Variants in CHD5 observed in about 807,000 individuals in gnomAD.
The protein encoded by CHD5 is ATP-dependent chromatin remodeler CHD5.
Under a neutral mutation model 230.3 loss-of-function variants are expected in CHD5, and 69 were observed. The observed-to-expected ratio is 0.30, with a 90% CI of 0.25 to 0.37. The LOEUF (loss-of-function observed/expected upper bound fraction) is 0.37. CHD5 is among the 10% of genes least tolerant of loss of function. CHD5 has a pLI of 1.00. For missense variants in CHD5, 1,827 were observed against 2,622.8 expected, an observed-to-expected ratio of 0.70 and a Z score of 6.63; for synonymous variants, 1,064 against 1,065.9, an observed-to-expected ratio of 1.00 and a Z score of 0.03.
chr1:6,128,014 G>A lies in CHD5; in HGVS notation c.3903+32C>T, dbSNP rs1252513948. 2 of 1,543,920 alleles carry A rather than the reference G, an allele frequency of 1.3e-6. No homozygotes were observed. On this transcript the variant is annotated intron_variant, in intron 25 of 41. Transcript: ENST00000262450. This position sits in a 1 kb window ranked among gnomAD's most constrained non-coding sequence, Gnocchi z 7.8. ...GGCGGGGCTGCGGATGGAGGGCGGGGCTGCGGATGGAGGGCGGGCCGGGGA... is the reference window on the plus strand; with the variant it reads ...GGCGGGGCTGCGGATGGAGGGCGGGACTGCGGATGGAGGGCGGGCCGGGGA...
In CHD5 at chr1:6,174,164, G is replaced by A. The variant is rs1340420166; in HGVS notation, c.79+5781C>T. Among the ~76,000 whole-genome samples the A allele has an allele frequency of 2.6e-5, 4 of 152,036 alleles. No individual in the cohort carries two copies. In the East Asian group the frequency reaches 7.8e-4, roughly 29 times the overall value. On this transcript the variant is annotated intron_variant, in intron 1 of 41. Transcript: ENST00000262450. ...AGGGAGGGACAAAAGAGAGAAAAACGGCCAGACAGAAAGGGAGAGGCAGGG... is the reference window on the plus strand; with the variant it reads ...AGGGAGGGACAAAAGAGAGAAAAACAGCCAGACAGAAAGGGAGAGGCAGGG...
intron 37 of CHD5, 64 bp from the exon 38 acceptor site, chr1:6,110,054 C>T: frequency 1.5e-6 from 2 of 1,370,552 alleles, no homozygotes; most frequent in Non-Finnish European, 1.9e-6. Context: ...CGTGCTCCAC[C>T]AGCGCCCACC....
chr1:6,139,283 T>C (rs911007771), intron 15 of CHD5, among the ~76,000 whole-genome samples: 2 of 152,188 alleles, frequency 1.3e-5, no homozygotes, highest in Admixed American at 6.5e-5. Context: ...TTAGCTCTTG[T>C]TGCCCAGGCT....
Position 6,146,298 on chromosome 1 carries a change from G to T in CHD5, c.1716C>A (p.Asp572Glu). ...GCTCCTCCATCTTGGCATAGAGGGG[G>T]TCCTTGTTCTTCCTCTTCTCGCTCT... ...DGKSEKRKNK[D>E]PLYAKMEERF... The change falls in exon 11 of 42, where the codon GAC (aspartate) becomes GAA (glutamate). Residue 572 changes from aspartate (D) to glutamate (E), a missense_variant. Asp to Glu is a conservative substitution (Grantham distance 45, BLOSUM62 2). Transcript: ENST00000262450. This position sits in a 1 kb window ranked among gnomAD's most constrained non-coding sequence, Gnocchi z 5.1. 1 of 1,614,188 alleles carries T rather than the reference G, an allele frequency of 6.2e-7. No homozygotes were observed. The highest frequency in any genetic ancestry group is 1.1e-5 in the South Asian group (1 of 91,084).
At position 6,129,060 on chromosome 1, in the gene CHD5, G is replaced by A; in HGVS notation, c.3397C>T (p.Arg1133Cys). 6.2e-7 allele frequency: 1 copy of A among 1,601,474 alleles called. No homozygotes were observed. The highest frequency in any genetic ancestry group is 8.5e-7 in the Non-Finnish European group (1 of 1,174,340). ...NPHNDIQAFS[R>C]AHRIGQNKKV... Reference sequence around the variant, plus strand: ...TTGTTCTGGCCGATGCGGTGGGCGCGGCTGAAGGCCTGGGGAGACCTGCAC... The same window carrying A: ...TTGTTCTGGCCGATGCGGTGGGCGCAGCTGAAGGCCTGGGGAGACCTGCAC... The change falls in exon 23 of 42, where the codon CGC becomes TGC. Residue 1133 changes from arginine to cysteine, a missense_variant. Around this residue, in one of 14 missense-constraint regions of CHD5, gnomAD observed 81 missense variants for 245.4 expected, o/e 0.33. Coordinates refer to ENST00000262450, the MANE Select transcript of CHD5 (RefSeq NM_015557.3). This position sits in a 1 kb window ranked among gnomAD's most constrained non-coding sequence, Gnocchi z 6.8.
At position 6,142,212 on chromosome 1, in the gene CHD5, C is replaced by T. The variant is rs768854486; in HGVS notation, c.2352G>A (p.Lys784=). 6.2e-7 allele frequency: 1 copy of T among 1,614,238 alleles called. No homozygotes were observed. Among genetic ancestry groups the T allele is most frequent in the Non-Finnish European group, 8.5e-7 (1 of 1,180,046 alleles). The change falls in exon 15 of 42, where the codon AAG becomes AAA. Residue 784 remains lysine (K), a synonymous_variant. Coordinates refer to ENST00000262450, the MANE Select transcript of CHD5 (RefSeq NM_015557.3). This position sits in a 1 kb window ranked among gnomAD's most constrained non-coding sequence, Gnocchi z 5.2. ...DFYVVTYTGD[K]ESRSVIRENE... is the part of the protein sequence containing the mutation. ...TCTCCCGAATCACCGAGCGGCTCTC[C>T]TTGTCCCCCGTGTAGGTGACCACGT...
Position 6,175,138 on chromosome 1 carries a change from G to C in CHD5, c.79+4807C>G, listed in dbSNP as rs1293696386. Among the ~76,000 whole-genome samples, 3 of 151,286 alleles carry C rather than the reference G, an allele frequency of 2.0e-5. No homozygotes were observed. The East Asian group carries it at 5.9e-4, about 30-fold the overall frequency. On this transcript the variant is annotated intron_variant, in intron 1 of 41. Coordinates refer to ENST00000262450, the MANE Select transcript of CHD5 (RefSeq NM_015557.3). ...TGAATAGATGGACAATAGGTGGATG[G>C]ATGGATGGCAGATGGATGGATGGTG...
At chr1:6,145,691 C>T (rs374860123) in intron 11 of CHD5, among the ~76,000 whole-genome samples, 772 of 152,344 alleles carry the variant, frequency 5.1e-3, no homozygotes, top group Non-Finnish European at 8.8e-3. Flanking sequence ...GAAAGCAGGT[C>T]CTGCAGTCAG....
At position 6,154,769 on chromosome 1, in the gene CHD5, C is replaced by T. The variant is rs1166438969; in HGVS notation, c.636G>A (p.Ala212=). The change falls in exon 5 of 42, where the codon GCG becomes GCA. Residue 212 remains alanine, a synonymous_variant. Transcript: ENST00000262450. This position sits in a 1 kb window ranked among gnomAD's most constrained non-coding sequence, Gnocchi z 7.0. ...KGSSAAAAAA[A]VAAAVETVTI... The stretch of plus-strand genomic sequence containing the variant: ...TGACCGTCTCTACAGCCGCAGCCAC[C>T]GCCGCCGCCGCTGCTGCCGCGGAGC... The T allele has an allele frequency of 5.6e-6, 9 of 1,611,856 alleles. No individual in the cohort carries two copies. Among genetic ancestry groups the T allele is most frequent in the Admixed American group, 1.7e-5 (1 of 59,890 alleles).
chr1:6,170,548 G>C (rs1182309509), intron 1 of CHD5, among the ~76,000 whole-genome samples: 1 of 152,164 alleles, frequency 6.6e-6, no homozygotes, highest in Non-Finnish European at 1.5e-5. Context: ...CACTGTCTTG[G>C]TGCCTCTCTG....
At chr1:6,152,934 G>A (rs1667028758) in intron 5 of CHD5, among the ~76,000 whole-genome samples, 1 of 152,204 alleles carries the variant, frequency 6.6e-6, no homozygotes, top group Non-Finnish European at 1.5e-5. Context: ...AGGATGTCTT[G>A]GAGCCAAAAG....
chr1:6,124,416 C>A, intron 30 of CHD5, 101 bp downstream of exon 30: 2 of 1,376,092 alleles, frequency 1.5e-6, no homozygotes, highest in Admixed American at 1.7e-5. Flanking sequence ...AGCTGTGTGG[C>A]CTGAACCAGG....
chr1:6,142,757 C>T lies in CHD5; in HGVS notation c.2044-152G>A, dbSNP rs992389510. On this transcript the variant is annotated intron_variant, in intron 13 of 41. Transcript: ENST00000262450. This position sits in a 1 kb window ranked among gnomAD's most constrained non-coding sequence, Gnocchi z 5.2. Reference sequence around the variant, plus strand: ...TCTTCTCCAGTTCTTGGATGGAACACCTCTTCCTCTAGGAAGCCCTCCCTG... The same window carrying T: ...TCTTCTCCAGTTCTTGGATGGAACATCTCTTCCTCTAGGAAGCCCTCCCTG... 40 of 898,886 alleles carry T rather than the reference C, an allele frequency of 4.4e-5. No homozygotes were observed. In the East Asian group the frequency reaches 1.1e-3, roughly 24 times the overall value. The allele number at this position is 898,886 out of a possible 1,614,324, so 55.7% of individuals were successfully genotyped here. A position where few individuals can be genotyped will look rare whatever the true frequency, so the allele number is the denominator to read the frequency against.
chr1:6,152,554 T>A lies in CHD5; in HGVS notation c.746-18A>T. 1 of 1,613,638 alleles carries A rather than the reference T, an allele frequency of 6.2e-7. No homozygotes were observed. The stretch of plus-strand genomic sequence containing the variant: ...TCCAGGCCCTGAAAAACAGCAGTGA[T>A]GATAGCCAACCACTGCCACCACTGA... On this transcript the variant is annotated intron_variant, in intron 5 of 41. Coordinates refer to ENST00000262450, the MANE Select transcript of CHD5 (RefSeq NM_015557.3).
rs1355899177 is a variant in CHD5 at position 6,108,006 on chromosome 1, TGAAG to T, written c.5579-1231_5579-1228del. On this transcript the variant is annotated intron_variant, in intron 38 of 41. Transcript: ENST00000262450. ...GATGGAGAGATGGGGGATGGAGGGA[TGAAG>T]GGACGGTGGAGGGATGGGTGATGGA... is the stretch of plus-strand genomic sequence containing the variant. 3.4e-4 allele frequency among the ~76,000 whole-genome samples: 26 copies of T among 77,182 alleles called. No individual in the cohort carries two copies. The East Asian group carries it at 0.011, about 32-fold the overall frequency. The allele number at this position is 77,182 out of a possible 152,430, so 50.6% of individuals were successfully genotyped here.
At chr1:6,127,032 T>G in intron 25 of CHD5, 1 of 452,558 alleles carries the variant, frequency 2.2e-6, no homozygotes, top group East Asian at 4.5e-5. Flanking sequence ...AGCTCCCCCT[T>G]GCCTGCCCTC....
At chr1:6,160,838 A>C (rs1323210588) in intron 2 of CHD5, among the ~76,000 whole-genome samples, 3 of 152,364 alleles carry the variant, frequency 2.0e-5, no homozygotes, top group South Asian at 4.1e-4. Context: ...GTTTACAACC[A>C]GAGCACCCCA....
Position 6,121,457 on chromosome 1 carries a change from C to T in CHD5, c.4779+37G>A. On this transcript the variant is annotated intron_variant, in intron 32 of 41. Transcript: ENST00000262450. This position sits in a 1 kb window ranked among gnomAD's most constrained non-coding sequence, Gnocchi z 4.5. The stretch of plus-strand genomic sequence containing the variant: ...GTCCCCAGACCCAACCTCCACCCCA[C>T]ACACACCACAGGCCCAGACGCCAGC... The T allele has an allele frequency of 2.5e-6, 4 of 1,582,008 alleles. No individual in the cohort carries two copies. The highest frequency in any genetic ancestry group is 3.5e-6 in the Non-Finnish European group (4 of 1,158,540).
intron 1 of CHD5, among the ~76,000 whole-genome samples, chr1:6,179,698 C>A (rs1368961417): frequency 6.8e-6 from 1 of 147,852 alleles, no homozygotes; most frequent in African/African-American, 2.4e-5. Flanking sequence ...TGGCCCGCGT[C>A]GCCGCCCGGG....
Sources: allele counts gnomAD v4.1 joint callset (sites outside exome capture counted in the v4.1 genomes callset), GRCh38; gene constraint gnomAD v4.1.1; regional missense constraint gnomAD v4.1.1; non-coding constraint Gnocchi (gnomAD v3.1); transcripts MANE v1.5; gene names NCBI Gene and HGNC (gene_info 2026-07-23, HGNC 2026-07-21).